CDC42BPB: variants seen among roughly 807,000 people sequenced by gnomAD.
CDC42BPB encodes CDC42 binding protein kinase beta.
Under a neutral mutation model 214.9 loss-of-function variants are expected in CDC42BPB, and 37 were observed. The observed-to-expected ratio is 0.17, with a 90% confidence interval of 0.13 to 0.23. CDC42BPB has a LOEUF of 0.23. CDC42BPB is among the 10% of genes least tolerant of loss of function. The pLI, the probability that CDC42BPB is intolerant of heterozygous loss-of-function variation, is 1.00. For missense variants in CDC42BPB, 1,694 were observed against 2,227.0 expected (o/e 0.76, Z 4.82); for synonymous variants, 931 against 884.0 (o/e 1.05, Z -0.94).
chr14:102,975,880 C>T lies in CDC42BPB; in HGVS notation c.1387+3G>A. On this transcript the variant is annotated splice_donor_region_variant and intron_variant, in intron 10 of 36. Coordinates refer to ENST00000361246, the MANE Select transcript of CDC42BPB (RefSeq NM_006035.4). ...CTGGCCCCGGAGCCGGCGCTGCCCT[C>T]ACCTTGCAGCTTCCTGCTCAGCTCC... The T allele has an allele frequency of 1.2e-6, 2 of 1,614,146 alleles. No individual in the cohort carries two copies. Among genetic ancestry groups the T allele is most frequent in the South Asian group, 1.1e-5 (1 of 91,086 alleles).
At chr14:102,992,107 G>A (rs1370312906) in intron 5 of CDC42BPB, among the ~76,000 whole-genome samples, 1 of 152,206 alleles carries the variant, frequency 6.6e-6, no homozygotes, top group Admixed American at 6.5e-5. Context: ...GCACTGTGGG[G>A]GGGATGAGGG....
At chr14:102,996,088 C>T (rs567989934) in intron 5 of CDC42BPB, among the ~76,000 whole-genome samples, 3 of 152,220 alleles carry the variant, frequency 2.0e-5, no homozygotes, top group Non-Finnish European at 2.9e-5. Flanking sequence ...GCCTGTAATC[C>T]CAGCACTTTG....
chr14:102,944,788 T>C lies in CDC42BPB; in HGVS notation c.3812-301A>G. ...CCCCTCAGTGCACCAGGGCTCCAGC[T>C]GGGCAGCGCTTCCACCTGGGTCCTC... On this transcript the variant is annotated intron_variant, in intron 29 of 36. Transcript: ENST00000361246. This position sits in a 1 kb window ranked among gnomAD's most constrained non-coding sequence, Gnocchi z 6.6. 2.0e-6 allele frequency: 1 copy of C among 500,500 alleles called. No homozygotes were observed. The highest frequency in any genetic ancestry group is 8.4e-5 in the South Asian group (1 of 11,868). The allele number at this position is 500,500 out of a possible 1,614,324, so 31.0% of individuals were successfully genotyped here.
At chr14:103,047,279 C>CAA (rs397852207) in intron 1 of CDC42BPB, among the ~76,000 whole-genome samples, 26 of 93,464 alleles carry the variant, frequency 2.8e-4, no homozygotes, top group African/African-American at 6.5e-4. Context: ...GTAATACTCT[C>CAA]AAAAAAAAAA....
chr14:103,031,831 A>G (rs144415295), intron 1 of CDC42BPB, among the ~76,000 whole-genome samples: 37 of 152,274 alleles, frequency 2.4e-4, no homozygotes, highest in East Asian at 9.7e-4. Context: ...CATCACTCAC[A>G]TGGGTGGACA....
intron 1 of CDC42BPB, among the ~76,000 whole-genome samples, chr14:103,033,635 C>G (rs1218992088): frequency 1.3e-5 from 2 of 152,002 alleles, no homozygotes; most frequent in Admixed American, 6.6e-5. Flanking sequence ...ACACAAATAC[C>G]ACCATATAAA....
At position 102,940,329 on chromosome 14, in the gene CDC42BPB, C is replaced by A; in HGVS notation, c.4409-5G>T. On this transcript the variant is annotated splice_polypyrimidine_tract_variant and splice_region_variant and intron_variant, in intron 30 of 36. Coordinates refer to ENST00000361246, the MANE Select transcript of CDC42BPB (RefSeq NM_006035.4). ...TGACGTGGGTGGGGCTGCAACCTAG[C>A]GCAGACGGAGCAGGGCGGGGTGAGC... 2 of 1,563,684 alleles carry A rather than the reference C, an allele frequency of 1.3e-6. 1 individual carries two copies.
intron 1 of CDC42BPB, among the ~76,000 whole-genome samples, chr14:103,020,767 C>T (rs1886726950): frequency 6.6e-6 from 1 of 152,238 alleles, no homozygotes; most frequent in Non-Finnish European, 1.5e-5. Flanking sequence ...GGAGAGAGTT[C>T]ACAGCTCCAA....
chr14:102,985,160 A>T (rs539599632), intron 6 of CDC42BPB, among the ~76,000 whole-genome samples: 15 of 149,970 alleles, frequency 1.0e-4, no homozygotes, highest in African/African-American at 3.7e-4. Flanking sequence ...TCAGGAGGGT[A>T]ACCCATGCTC....
At chr14:102,992,882 A>G (rs1894560925) in intron 5 of CDC42BPB, among the ~76,000 whole-genome samples, 1 of 151,588 alleles carries the variant, frequency 6.6e-6, no homozygotes, top group Non-Finnish European at 1.5e-5. Flanking sequence ...GCTGGAGTGC[A>G]GTGACACAAT....
chr14:103,008,771 C>G, intron 2 of CDC42BPB: 8 of 741,202 alleles, frequency 1.1e-5, no homozygotes, highest in East Asian at 1.3e-4. Flanking sequence ...GAGTTTCACT[C>G]CTGCAAATTC....
chr14:103,040,739 T>C (rs1887944316), intron 1 of CDC42BPB, among the ~76,000 whole-genome samples: 1 of 152,194 alleles, frequency 6.6e-6, no homozygotes, highest in Non-Finnish European at 1.5e-5. Context: ...ATTACAGGCG[T>C]GAGCCACCAT....
intron 1 of CDC42BPB, among the ~76,000 whole-genome samples, chr14:103,037,902 G>C (rs866651030): frequency 3.9e-5 from 6 of 152,054 alleles, no homozygotes; most frequent in Middle Eastern, 3.4e-3. Flanking sequence ...GGTGGCGGGC[G>C]CCTATAGTCC....
At chr14:102,964,381 C>A in intron 19 of CDC42BPB, 121 bp downstream of exon 19, 1 of 1,202,692 alleles carries the variant, frequency 8.3e-7, no homozygotes, top group Non-Finnish European at 1.2e-6. Context: ...TCCTAAGGCT[C>A]CAGCAAACGC....
rs74983226 is a variant in CDC42BPB, at chr14:103,055,992, G to A, written c.175+1007C>T. Among the ~76,000 whole-genome samples the A allele has an allele frequency of 8.5e-5, 13 of 152,358 alleles. No homozygotes were observed. In the East Asian group the frequency reaches 2.5e-3, roughly 29 times the overall value. On this transcript the variant is annotated intron_variant, in intron 1 of 36. Coordinates refer to ENST00000361246, the MANE Select transcript of CDC42BPB (RefSeq NM_006035.4). ...CCTCCTACTCAGTGGTTTTAGGTGAGACAGTCTGAGGGTCTTGACCGGCAC... is the reference window on the plus strand; with the variant it reads ...CCTCCTACTCAGTGGTTTTAGGTGAAACAGTCTGAGGGTCTTGACCGGCAC...
At position 103,052,002 on chromosome 14, in the gene CDC42BPB, C is replaced by T. The variant is rs146255352; in HGVS notation, c.175+4997G>A. On this transcript the variant is annotated intron_variant, in intron 1 of 36. Transcript: ENST00000361246. The stretch of plus-strand genomic sequence containing the variant: ...GTGGGACTATGCGTGCCACCACACC[C>T]GGCTAATTTTTGTATTTTTAGTACA... Among the ~76,000 whole-genome samples, 247 of 152,240 alleles carry T rather than the reference C, an allele frequency of 1.6e-3. 1 individual carries two copies. In the East Asian group the frequency reaches 0.029, roughly 18 times the overall value.
At chr14:102,994,337 T>C (rs1243932098) in intron 5 of CDC42BPB, among the ~76,000 whole-genome samples, 1 of 152,060 alleles carries the variant, frequency 6.6e-6, no homozygotes, top group Non-Finnish European at 1.5e-5. Flanking sequence ...CTGCGCCGTA[T>C]AATTCTGTAT....
chr14:103,040,270 G>A (rs981933774), intron 1 of CDC42BPB, among the ~76,000 whole-genome samples: 2 of 151,796 alleles, frequency 1.3e-5, no homozygotes, highest in Non-Finnish European at 2.9e-5. Context: ...CAGGAGAATC[G>A]CTTGGACCCG....
chr14:102,964,585 C>G lies in CDC42BPB; in HGVS notation c.2643G>C (p.Ser881=). ...LDMSARLELQ[S]ALEAEIRAKQ... is the part of the protein sequence containing the mutation. ...TGGCCCGGATCTCCGCCTCCAGGGCCGACTGCAGCTCCAGCCGCGCGGACA... is the reference window on the plus strand; with the variant it reads ...TGGCCCGGATCTCCGCCTCCAGGGCGGACTGCAGCTCCAGCCGCGCGGACA... The change falls in exon 19 of 37, where the codon TCG becomes TCC. Residue 881 remains serine (S), a synonymous_variant. Transcript: ENST00000361246. 2 of 1,613,880 alleles carry G rather than the reference C, an allele frequency of 1.2e-6. No individual in the cohort carries two copies. The highest frequency in any genetic ancestry group is 1.7e-6 in the Non-Finnish European group (2 of 1,180,002).
Sources: allele counts gnomAD v4.1 joint callset (sites outside exome capture counted in the v4.1 genomes callset), GRCh38; gene constraint gnomAD v4.1.1; non-coding constraint Gnocchi (gnomAD v3.1); transcripts MANE v1.5; gene names NCBI Gene and HGNC (gene_info 2026-07-23, HGNC 2026-07-21).